POU6F2: variants seen among roughly 807,000 people sequenced by gnomAD.
The protein encoded by POU6F2 is POU class 6 homeobox 2.
A neutral mutation model predicts 71.3 loss-of-function variants in POU6F2; 31 were observed. That is an observed-to-expected ratio of 0.43 (90% CI 0.33 to 0.59). POU6F2 has a LOEUF of 0.59. Among genes scored for constraint, POU6F2 ranks in the 20% least tolerant of loss-of-function variants. The pLI is 0.04. For missense variants in POU6F2, 783 were observed against 856.8 expected (o/e 0.91, Z 1.07); for synonymous variants, 347 against 355.7 (o/e 0.98, Z 0.27).
At chr7:39,019,881 C>G (rs2128706360) in intron 1 of POU6F2, among the ~76,000 whole-genome samples, 1 of 152,204 alleles carries the variant, frequency 6.6e-6, no homozygotes, top group Non-Finnish European at 1.5e-5. Context: ...TCTGTTTTCT[C>G]CAGCATCAGA....
rs1231315067 is a variant in POU6F2 at position 39,460,356 on chromosome 7, T to A, written c.1490-191T>A. ...GGACAGAAACATCTCGAAGGATGAT[T>A]TGTGGAGGTGTAATGAGTTGCGGAT... is the stretch of plus-strand genomic sequence containing the variant. On this transcript the variant is annotated intron_variant, in intron 8 of 9. Coordinates refer to ENST00000518318, the MANE Select transcript of POU6F2 (RefSeq NM_001370959.1). This position sits in a 1 kb window ranked among gnomAD's most constrained non-coding sequence, Gnocchi z 4.4. Among the ~76,000 whole-genome samples, 1 of 152,170 alleles carries A rather than the reference T, an allele frequency of 6.6e-6. No individual in the cohort carries two copies. The highest frequency in any genetic ancestry group is 1.5e-5 in the Non-Finnish European group (1 of 68,034).
intron 5 of POU6F2, chr7:39,404,795 A>G (rs1222459482): frequency 8.9e-6 from 1 of 111,798 alleles, no homozygotes; most frequent in African/African-American, 4.4e-5. Flanking sequence ...TTCAGAAGTT[A>G]AAAAAAAAAA....
chr7:39,006,727 T>C, intron 1 of POU6F2: 1 of 954,760 alleles, frequency 1.0e-6, no homozygotes, highest in Non-Finnish European at 1.7e-6. Flanking sequence ...AATGTCATCA[T>C]TTAAATAAAA....
intron 4 of POU6F2, among the ~76,000 whole-genome samples, chr7:39,311,659 A>G (rs960815700): frequency 7.2e-5 from 11 of 152,344 alleles, no homozygotes; most frequent in African/African-American, 2.6e-4. Context: ...TGATCTAGCT[A>G]TGTAGGTGTA....
chr7:38,988,780 G>C (rs1788526136), intron 1 of POU6F2, among the ~76,000 whole-genome samples: 1 of 152,120 alleles, frequency 6.6e-6, no homozygotes, highest in Non-Finnish European at 1.5e-5. Context: ...GGCAAAGTTG[G>C]AATTGGTCCG....
intron 1 of POU6F2, among the ~76,000 whole-genome samples, chr7:39,034,046 C>G (rs958299301): frequency 2.0e-5 from 3 of 152,132 alleles, no homozygotes; most frequent in Admixed American, 1.3e-4. Flanking sequence ...ACACGTCTGC[C>G]CTGCTCTCAT....
intron 1 of POU6F2, among the ~76,000 whole-genome samples, chr7:39,079,689 G>T (rs1343231373): frequency 1.3e-5 from 2 of 152,114 alleles, no homozygotes; most frequent in African/African-American, 2.4e-5. Context: ...TATATTTTGG[G>T]ATAGGATTAA....
intron 1 of POU6F2, among the ~76,000 whole-genome samples, chr7:39,061,762 T>C (rs1316441277): frequency 2.0e-5 from 3 of 152,228 alleles, no homozygotes; most frequent in Non-Finnish European, 2.9e-5. Flanking sequence ...ACAAATACTT[T>C]TAGTTGTTTT....
chr7:39,419,510 G>A (rs1238867914), intron 6 of POU6F2, among the ~76,000 whole-genome samples: 1 of 152,002 alleles, frequency 6.6e-6, no homozygotes, highest in Non-Finnish European at 1.5e-5. Flanking sequence ...AAAGTGCTGG[G>A]GTTACAGGAG....
At chr7:39,066,749 AT>A (rs1453464514) in intron 1 of POU6F2, among the ~76,000 whole-genome samples, 3 of 150,850 alleles carry the variant, frequency 2.0e-5, no homozygotes, top group African/African-American at 7.3e-5. Flanking sequence ...ATTTGACAAA[AT>A]GATTCTAAAG....
intron 1 of POU6F2, among the ~76,000 whole-genome samples, chr7:39,047,433 G>A (rs551606572): frequency 5.3e-5 from 8 of 151,806 alleles, no homozygotes; most frequent in Admixed American, 2.0e-4. Context: ...CTTACACTTT[G>A]TTAGATTCAT....
chr7:39,164,890 T>G (rs1793079924), intron 2 of POU6F2, among the ~76,000 whole-genome samples: 1 of 152,186 alleles, frequency 6.6e-6, no homozygotes, highest in Non-Finnish European at 1.5e-5. Context: ...TTCTTTACCC[T>G]CATTCACTCC....
intron 1 of POU6F2, among the ~76,000 whole-genome samples, chr7:38,991,050 A>T (rs903614423): frequency 1.3e-5 from 2 of 152,114 alleles, no homozygotes; most frequent in African/African-American, 2.4e-5. Flanking sequence ...TGAAGGAAAT[A>T]TTGAAGACAA....
chr7:39,164,194 TATG>T (rs1338741774), intron 2 of POU6F2, among the ~76,000 whole-genome samples: 3 of 151,910 alleles, frequency 2.0e-5, no homozygotes, highest in Non-Finnish European at 4.4e-5. Flanking sequence ...TGTATATATT[TATG>T]ATATCATAAA....
At chr7:39,321,465 A>C (rs988015141) in intron 4 of POU6F2, among the ~76,000 whole-genome samples, 1 of 152,218 alleles carries the variant, frequency 6.6e-6, no homozygotes. Context: ...GGTTACACCC[A>C]GAAGAATATT....
At chr7:39,422,911 A>G (rs1481909114) in intron 6 of POU6F2, among the ~76,000 whole-genome samples, 3 of 152,232 alleles carry the variant, frequency 2.0e-5, no homozygotes, top group Non-Finnish European at 2.9e-5. Flanking sequence ...CTCAAGATCT[A>G]GAAAACTGCC....
chr7:38,988,435 A>G (rs1788514026), intron 1 of POU6F2, among the ~76,000 whole-genome samples: 1 of 152,096 alleles, frequency 6.6e-6, no homozygotes, highest in African/African-American at 2.4e-5. Context: ...TCATAAATCA[A>G]CAGCAGAAGA....
chr7:39,243,526 G>A lies in POU6F2; in HGVS notation c.598+35906G>A, dbSNP rs529895009. On this transcript the variant is annotated intron_variant, in intron 4 of 9. Transcript: ENST00000518318. Reference sequence around the variant, plus strand: ...CTTTGAAACCACTTCTGCAGAGCTAGAAGGATGAGAGCAAACAAAGAAAAA... The same window carrying A: ...CTTTGAAACCACTTCTGCAGAGCTAAAAGGATGAGAGCAAACAAAGAAAAA... Among the ~76,000 whole-genome samples, 3 of 152,168 alleles carry A rather than the reference G, an allele frequency of 2.0e-5. No homozygotes were observed. In the South Asian group the frequency reaches 6.2e-4, roughly 32 times the overall value.
chr7:39,016,025 A>G (rs767183027), intron 1 of POU6F2, among the ~76,000 whole-genome samples: 85 of 50,958 alleles, frequency 1.7e-3, no homozygotes, highest in South Asian at 2.6e-3. Flanking sequence ...TATATATATT[A>G]TATATAGATA....
Sources: allele counts gnomAD v4.1 joint callset (sites outside exome capture counted in the v4.1 genomes callset), GRCh38; gene constraint gnomAD v4.1.1; non-coding constraint Gnocchi (gnomAD v3.1); transcripts MANE v1.5; gene names NCBI Gene and HGNC (gene_info 2026-07-23, HGNC 2026-07-21).